The following SLC43A3 variants were observed in gnomAD, a reference collection of about 807,000 sequenced individuals.
The protein encoded by SLC43A3 is solute carrier family 43 member 3, also known as equilibrative nucleobase transporter 1.
Under a neutral mutation model 53.3 loss-of-function variants are expected in SLC43A3, and 33 were observed. The observed-to-expected ratio is 0.62, with a 90% CI of 0.47 to 0.83. The LOEUF (loss-of-function observed/expected upper bound fraction) is 0.83, where lower values mean the gene tolerates loss of function less well. Among genes scored for constraint, SLC43A3 ranks in the 40% least tolerant of loss-of-function variants. SLC43A3 has a pLI of 0.00. For synonymous variants in SLC43A3, 236 were observed against 246.2 expected, an observed-to-expected ratio of 0.96 and a Z score of 0.39; for missense variants, 530 against 610.0, an observed-to-expected ratio of 0.87 and a Z score of 1.38.
At chr11:57,418,992 G>A (rs1942853801) in intron 7 of SLC43A3, among the ~76,000 whole-genome samples, 2 of 152,024 alleles carry the variant, frequency 1.3e-5, no homozygotes, top group Admixed American at 1.3e-4. Context: ...TGTTTTCTAA[G>A]GAGTCCTAGT....
At position 57,410,272 on chromosome 11, in the gene SLC43A3, C is replaced by T. The variant is rs967476010; in HGVS notation, c.1061-151G>A. On this transcript the variant is annotated intron_variant, in intron 11 of 13. Coordinates refer to ENST00000395124, the MANE Select transcript of SLC43A3 (RefSeq NM_199329.3). ...GAGTCATCCTCGAATCCTTTCCCCA[C>T]ATGCCCCACCTCAAACTCATCAATA... The T allele has an allele frequency of 8.2e-6, 5 of 607,536 alleles. No homozygotes were observed. The African/African-American group carries it at 9.2e-5, about 11-fold the overall frequency. 37.6% of individuals were successfully genotyped at this position (607,536 alleles called of 1,614,324 possible). A position where few individuals can be genotyped will look rare whatever the true frequency, so the allele number is the denominator to read the frequency against.
Position 57,425,671 on chromosome 11 carries a change from CTG to C in SLC43A3, c.185-3_185-2del. ...AACCTCTCATCCTGGGCTTTGCAGT[CTG>C]GAGTAGAAAAAAGGTCTCCCATGCA... On this transcript the variant is annotated splice_acceptor_variant and splice_polypyrimidine_tract_variant and intron_variant, in intron 3 of 13. Coordinates refer to ENST00000395124, the MANE Select transcript of SLC43A3 (RefSeq NM_199329.3). LOFTEE classifies it high-confidence loss of function. 1.2e-6 allele frequency: 2 copies of C among 1,613,998 alleles called. No homozygotes were observed. Among genetic ancestry groups the C allele is most frequent in the Non-Finnish European group, 8.5e-7 (1 of 1,179,996 alleles).
Position 57,409,302 on chromosome 11 carries a change from GGGAGAGA to G in SLC43A3, c.1248-11_1248-5del. ...GCCAAAGTGCTCTGAAGGGAAACTGGGGAGAGAAACCAGAGGGGTTCCAGTGAGCTTC... is the reference window on the plus strand; with the variant it reads ...GCCAAAGTGCTCTGAAGGGAAACTGGAACCAGAGGGGTTCCAGTGAGCTTC... On this transcript the variant is annotated splice_region_variant and splice_polypyrimidine_tract_variant and intron_variant, in intron 12 of 13. Transcript: ENST00000395124. The G allele has an allele frequency of 6.2e-7, 1 of 1,614,156 alleles. No homozygotes were observed. Among genetic ancestry groups the G allele is most frequent in the South Asian group, 1.1e-5 (1 of 91,086 alleles).
rs2135017862 is a variant in SLC43A3, at chr11:57,416,593, T to A, written c.749A>T (p.Glu250Val). 1 of 1,614,060 alleles carries A rather than the reference T, an allele frequency of 6.2e-7. No homozygotes were observed. Among genetic ancestry groups the A allele is most frequent in the Non-Finnish European group, 8.5e-7 (1 of 1,179,948 alleles). Reference sequence around the variant, plus strand: ...CTCACCTTCCTTCGCTGAAAGGAACTCCTTTGACTGTAGCTCCCTGTTTTC... The same window carrying A: ...CTCACCTTCCTTCGCTGAAAGGAACACCTTTGACTGTAGCTCCCTGTTTTC... ...EHENRELQSKEFLSAKEETPG... is the reference protein window; with the variant it reads ...EHENRELQSKVFLSAKEETPG... Residue 250 changes from glutamate (E) to valine (V), a missense_variant, in exon 9 of 14, where the codon GAG becomes GTG. This residue lies in a region of SLC43A3 where 376 missense variants were observed against 386.7 expected (regional missense o/e 0.97). Transcript: ENST00000395124.
At chr11:57,414,898 A>G in intron 10 of SLC43A3, 35 bp downstream of exon 10, 2 of 1,609,032 alleles carry the variant, frequency 1.2e-6, no homozygotes, top group East Asian at 4.5e-5. Context: ...CAGCTGGGAC[A>G]TGCAGATGGG....
chr11:57,424,205 G>A (rs562509995), intron 4 of SLC43A3, 177 bp from the exon 5 acceptor site: 10 of 656,692 alleles, frequency 1.5e-5, no homozygotes, highest in East Asian at 2.7e-5. Context: ...AAGAAGCCGC[G>A]ATGAGATTGA....
At position 57,407,802 on chromosome 11, in the gene SLC43A3, G is replaced by A. The variant is rs746172729; in HGVS notation, c.1466C>T (p.Ala489Val). 6.2e-7 allele frequency: 1 copy of A among 1,604,768 alleles called. No homozygotes were observed. Among genetic ancestry groups the A allele is most frequent in the Non-Finnish European group, 8.5e-7 (1 of 1,171,546 alleles). The change falls in exon 14 of 14, where the codon GCA becomes GTA. Residue 489 changes from alanine to valine, a missense_variant. Transcript: ENST00000395124. Reference sequence around the variant, plus strand: ...GTGAGGGCTTCTGAACTATGCAATTGCAGAGGGACTTTCTTTCCAAGTACG... The same window carrying A: ...GTGAGGGCTTCTGAACTATGCAATTACAGAGGGACTTTCTTTCCAAGTACG... ...ECRTWKESPS[A>V]IA is the part of the protein sequence containing the mutation.
At chr11:57,417,953 C>A in intron 7 of SLC43A3, 66 bp from the exon 8 acceptor site, 1 of 1,513,750 alleles carries the variant, frequency 6.6e-7, no homozygotes, top group Non-Finnish European at 9.0e-7. Flanking sequence ...TCACAATAGC[C>A]AAAGGATGGA....
At chr11:57,423,842 C>A in intron 5 of SLC43A3, 140 bp downstream of exon 5, 1 of 699,290 alleles carries the variant, frequency 1.4e-6, no homozygotes, top group East Asian at 2.6e-5. Flanking sequence ...GCTCAAGATC[C>A]TTCCAGGATT....
At chr11:57,420,143 G>T (rs1459314531) in intron 7 of SLC43A3, among the ~76,000 whole-genome samples, 1 of 152,212 alleles carries the variant, frequency 6.6e-6, no homozygotes, top group African/African-American at 2.4e-5. Flanking sequence ...TCTGTGGTGT[G>T]CTGGCTTTAG....
chr11:57,415,052 A>G lies in SLC43A3; in HGVS notation c.824T>C (p.Phe275Ser), dbSNP rs995667185. The G allele has an allele frequency of 1.9e-6, 3 of 1,614,150 alleles. No homozygotes were observed. The African/African-American group carries it at 4.0e-5, about 22-fold the overall frequency. Residue 275 changes from phenylalanine (F) to serine (S), a missense_variant, in exon 10 of 14, where the codon TTC (phenylalanine) becomes TCC (serine). By Grantham distance (155) the Phe-to-Ser change is radical. Coordinates refer to ENST00000395124, the MANE Select transcript of SLC43A3 (RefSeq NM_199329.3). ...QELRSFWSYA[F>S]SRRFAWHLVW... ...CAGGTGCCAGGCAAAGCGCCGAGAG[A>G]AAGCGTAGCTCCAGAAGGAGCGGAG...
chr11:57,425,454 T>C (rs1161483958), intron 4 of SLC43A3, 87 bp downstream of exon 4: 2 of 1,462,636 alleles, frequency 1.4e-6, no homozygotes, highest in African/African-American at 1.4e-5. Flanking sequence ...GGCCGGGCTG[T>C]CTGACTCTGG....
At chr11:57,409,824 T>C in intron 12 of SLC43A3, 111 bp downstream of exon 12, 1 of 1,028,828 alleles carries the variant, frequency 9.7e-7, no homozygotes, top group Non-Finnish European at 1.4e-6. Flanking sequence ...AAACCCAGTC[T>C]CCCGCACCTG....
intron 7 of SLC43A3, 116 bp downstream of exon 7, chr11:57,420,856 T>C (rs979876115): frequency 2.9e-6 from 2 of 693,744 alleles, no homozygotes; most frequent in African/African-American, 3.6e-5. Context: ...ATCTGTAAAA[T>C]GGGGGTAACA....
intron 11 of SLC43A3, 52 bp from the exon 12 acceptor site, chr11:57,410,173 G>A: frequency 7.1e-7 from 1 of 1,414,714 alleles, no homozygotes; most frequent in East Asian, 2.4e-5. Flanking sequence ...CCCAACAGAA[G>A]TCAGCGAAGG....
intron 8 of SLC43A3, 103 bp downstream of exon 8, chr11:57,417,645 G>A (rs893425660): frequency 4.9e-5 from 66 of 1,341,452 alleles, no homozygotes; most frequent in Middle Eastern, 2.0e-4. Context: ...CAGATGCACT[G>A]CTCCAGTCCT....
chr11:57,418,288 T>C (rs918803747), intron 7 of SLC43A3, among the ~76,000 whole-genome samples: 3 of 151,406 alleles, frequency 2.0e-5, no homozygotes, highest in Non-Finnish European at 4.4e-5. Context: ...GAGTCATGAC[T>C]GGGCCACTGC....
At chr11:57,409,319 G>A (rs1236921973) in intron 12 of SLC43A3, 21 bp from the exon 13 acceptor site, 1 of 1,613,868 alleles carries the variant, frequency 6.2e-7, no homozygotes, top group Admixed American at 1.7e-5. Flanking sequence ...AAACCAGAGG[G>A]GTTCCAGTGA....
intron 4 of SLC43A3, among the ~76,000 whole-genome samples, chr11:57,424,885 G>A (rs150913580): frequency 3.1e-3 from 472 of 152,302 alleles, no homozygotes; most frequent in African/African-American, 0.011. Context: ...CCAGCAGGCC[G>A]CTGATTACCA....
Sources: gnomAD v4.1 joint callset for allele counts (sites outside exome capture counted in the v4.1 genomes callset) on GRCh38, gnomAD v4.1.1 for gene constraint, gnomAD v4.1.1 regional missense constraint, MANE v1.5 for transcripts, NCBI Gene and HGNC (gene_info 2026-07-23, HGNC 2026-07-21) for gene names.